Variants in TTLL5 observed in about 807,000 individuals in gnomAD.
TTLL5 encodes the protein tubulin tyrosine ligase like 5, also known as tubulin polyglutamylase TTLL5.
TTLL5 carries 132 observed loss-of-function variants against 168.4 expected under a neutral mutation model. That is an observed-to-expected ratio of 0.78 (90% CI 0.68 to 0.91). The LOEUF (loss-of-function observed/expected upper bound fraction) is 0.91. TTLL5 is among the 40% of genes least tolerant of loss of function. The pLI, the probability that TTLL5 is intolerant of heterozygous loss-of-function variation, is 0.00. For missense variants in TTLL5, 1,545 were observed against 1,581.5 expected (o/e 0.98, Z 0.39); for synonymous variants, 546 against 558.6 (o/e 0.98, Z 0.32).
chr14:75,799,961 C>A (rs569622569), intron 27 of TTLL5, among the ~76,000 whole-genome samples: 1 of 152,166 alleles, frequency 6.6e-6, no homozygotes, highest in Non-Finnish European at 1.5e-5. Context: ...TATCTTTTTG[C>A]GATGAATTTC....
At chr14:75,757,485 T>C (rs1262686584) in intron 18 of TTLL5, among the ~76,000 whole-genome samples, 2 of 152,224 alleles carry the variant, frequency 1.3e-5, no homozygotes, top group East Asian at 3.8e-4. Context: ...TTTATCCTGC[T>C]CCTTTCTATA....
intron 27 of TTLL5, among the ~76,000 whole-genome samples, chr14:75,800,341 C>A (rs1893228113): frequency 6.6e-6 from 1 of 152,054 alleles, no homozygotes; most frequent in Admixed American, 6.6e-5. Flanking sequence ...TCGATGCTCT[C>A]TATTTCCCTG....
intron 12 of TTLL5, among the ~76,000 whole-genome samples, chr14:75,721,590 A>G (rs1029504438): frequency 1.4e-4 from 21 of 152,274 alleles, no homozygotes; most frequent in African/African-American, 4.8e-4. Context: ...GTTTGTAACC[A>G]TGTATATCCA....
intron 4 of TTLL5, among the ~76,000 whole-genome samples, 197 bp from the exon 5 acceptor site, chr14:75,683,353 T>C (rs1293824513): frequency 6.6e-6 from 1 of 152,240 alleles, no homozygotes; most frequent in Admixed American, 6.5e-5. Flanking sequence ...CATCGGGGAT[T>C]TGCCCAACCC....
chr14:75,708,135 A>G (rs1566822433), intron 9 of TTLL5, among the ~76,000 whole-genome samples: 1 of 152,228 alleles, frequency 6.6e-6, no homozygotes, highest in Non-Finnish European at 1.5e-5. Context: ...CATCCTCGCA[A>G]CAACCTTTTA....
Position 75,921,644 on chromosome 14 carries a change from G to A in TTLL5, c.3823+19420G>A, listed in dbSNP as rs1300732169. On this transcript the variant is annotated intron_variant, in intron 31 of 31. Coordinates refer to ENST00000298832, the MANE Select transcript of TTLL5 (RefSeq NM_015072.5). The stretch of plus-strand genomic sequence containing the variant: ...TTACTGTAACCTTGTAGTATAGTTT[G>A]AAGTCAGGTAGTGCGATGCCTCCTA... Among the ~76,000 whole-genome samples the A allele has an allele frequency of 2.0e-5, 3 of 152,186 alleles. No individual in the cohort carries two copies. In the East Asian group the frequency reaches 5.8e-4, roughly 29 times the overall value.
chr14:75,871,200 T>C (rs1335024353), intron 29 of TTLL5, among the ~76,000 whole-genome samples: 1 of 152,228 alleles, frequency 6.6e-6, no homozygotes, highest in Non-Finnish European at 1.5e-5. Context: ...ATAAGTACCC[T>C]GGTTATCATC....
At chr14:75,811,167 G>A (rs200413836) in intron 27 of TTLL5, among the ~76,000 whole-genome samples, 15,401 of 145,164 alleles carry the variant, frequency 0.11, 1,045 homozygotes, top group Non-Finnish European at 0.12. Context: ...GTGTGTGTGT[G>A]TGTGTGTGTG....
At chr14:75,793,880 A>C (rs1892854535) in intron 27 of TTLL5, among the ~76,000 whole-genome samples, 2 of 152,230 alleles carry the variant, frequency 1.3e-5, no homozygotes, top group South Asian at 4.1e-4. Context: ...ATTTAACTCC[A>C]CAGTTATATT....
intron 27 of TTLL5, among the ~76,000 whole-genome samples, chr14:75,819,517 T>G (rs1894707050): frequency 6.6e-6 from 1 of 152,230 alleles, no homozygotes; most frequent in Admixed American, 6.5e-5. Flanking sequence ...GTATTCCTTC[T>G]TTGTACATTA....
intron 28 of TTLL5, among the ~76,000 whole-genome samples, chr14:75,855,095 TG>T (rs1897061577): frequency 6.6e-6 from 1 of 151,652 alleles, no homozygotes; most frequent in Admixed American, 6.6e-5. Flanking sequence ...ATAGATTCTT[TG>T]ATTTTTCCCT....
At chr14:75,835,448 C>A (rs1039960989) in intron 28 of TTLL5, 1 of 152,186 alleles carries the variant, frequency 6.6e-6, no homozygotes, top group African/African-American at 2.4e-5. Flanking sequence ...TTTCTTCAGA[C>A]TGTAGTAAAC....
intron 6 of TTLL5, among the ~76,000 whole-genome samples, chr14:75,692,661 A>G (rs1485991563): frequency 6.6e-6 from 1 of 152,182 alleles, no homozygotes; most frequent in Non-Finnish European, 1.5e-5. Context: ...AAAGGGTGCA[A>G]GAACAAACAT....
intron 15 of TTLL5, among the ~76,000 whole-genome samples, chr14:75,741,070 C>G (rs1305765486): frequency 3.9e-5 from 6 of 152,214 alleles, no homozygotes; most frequent in African/African-American, 1.4e-4. Context: ...CTGTTTCTTA[C>G]TACTTTGATT....
chr14:75,753,916 A>G (rs1369181236), intron 18 of TTLL5, among the ~76,000 whole-genome samples: 1 of 152,198 alleles, frequency 6.6e-6, no homozygotes, highest in African/African-American at 2.4e-5. Flanking sequence ...TTATGCAGTG[A>G]GTGCGGCCTT....
intron 3 of TTLL5, among the ~76,000 whole-genome samples, chr14:75,676,559 C>T (rs904935199): frequency 7.2e-5 from 11 of 152,240 alleles, no homozygotes; most frequent in African/African-American, 2.2e-4. Flanking sequence ...TGCATTCTGT[C>T]ATTCCACCCT....
chr14:75,763,255 C>CTGTG (rs60621403), intron 18 of TTLL5, among the ~76,000 whole-genome samples: 10 of 58,596 alleles, frequency 1.7e-4, no homozygotes, highest in East Asian at 1.2e-3. Flanking sequence ...AGCTCTCTCT[C>CTGTG]TGTGTGTGTG....
intron 3 of TTLL5, among the ~76,000 whole-genome samples, chr14:75,678,742 T>C (rs1184088): frequency 0.3 from 46,050 of 152,100 alleles, 8,463 homozygotes; most frequent in East Asian, 0.56. Context: ...CCCCAGTGTA[T>C]AACATTTGGG....
chr14:75,691,965 G>C (rs549728891), intron 6 of TTLL5, among the ~76,000 whole-genome samples: 1 of 152,296 alleles, frequency 6.6e-6, no homozygotes, highest in East Asian at 1.9e-4. Flanking sequence ...GCCATTGGTT[G>C]GCAATTCATT....
Sources: allele counts gnomAD v4.1 joint callset (sites outside exome capture counted in the v4.1 genomes callset), GRCh38; gene constraint gnomAD v4.1.1; transcripts MANE v1.5; gene names NCBI Gene and HGNC (gene_info 2026-07-23, HGNC 2026-07-21).